The following AFF4 variants were observed in gnomAD, a reference collection of about 807,000 sequenced individuals.
AFF4 encodes AF4/FMR2 family member 4.
A neutral mutation model predicts 124.8 loss-of-function variants in AFF4; 13 were observed. That is an observed-to-expected ratio of 0.10 (90% confidence interval 0.07 to 0.17). The LOEUF (loss-of-function observed/expected upper bound fraction) is 0.17, where lower values mean the gene tolerates loss of function less well. Ranked by LOEUF, AFF4 falls within the 10% of genes least tolerant of loss-of-function variation. The pLI is 1.00. For missense variants in AFF4, 1,092 were observed against 1,403.8 expected, an observed-to-expected ratio of 0.78 and a Z score of 3.55; for synonymous variants, 477 against 496.1, an observed-to-expected ratio of 0.96 and a Z score of 0.51.
At position 132,879,440 on chromosome 5, in the gene AFF4, A is replaced by G. The variant is rs1759918266; in HGVS notation, c.*1619T>C. The G allele has an allele frequency of 4.9e-6, 1 of 204,192 alleles. No homozygotes were observed. The allele number at this position is 204,192 out of a possible 1,614,324, so 12.6% of individuals were successfully genotyped here. ...CTATTTTTCAAAGCAGCATTACCCAACTGGTTAGACTAAGTCATGTACCAA... is the reference window on the plus strand; with the variant it reads ...CTATTTTTCAAAGCAGCATTACCCAGCTGGTTAGACTAAGTCATGTACCAA... On this transcript the variant is annotated 3_prime_UTR_variant, in exon 21 of 21. Transcript: ENST00000265343.
Position 132,889,090 on chromosome 5 carries a change from G to C in AFF4, c.2721C>G (p.Val907=). ...DSSKPRRTKL[V]FDDRNYSADH... Reference sequence around the variant, plus strand: ...TCATATTATCTCACCTGTCATCAAAGACAAGCTTTGTTCTCCGAGGCTTAG... The same window carrying C: ...TCATATTATCTCACCTGTCATCAAACACAAGCTTTGTTCTCCGAGGCTTAG... Residue 907 remains valine (V), a synonymous_variant, in exon 14 of 21, where the codon GTC becomes GTG. Coordinates refer to ENST00000265343, the MANE Select transcript of AFF4 (RefSeq NM_014423.4). 6.2e-7 allele frequency: 1 copy of C among 1,612,370 alleles called. No individual in the cohort carries two copies. The highest frequency in any genetic ancestry group is 1.3e-5 in the African/African-American group (1 of 74,998).
At chr5:132,900,394 TA>T (rs1760520320) in intron 7 of AFF4, among the ~76,000 whole-genome samples, 1 of 152,032 alleles carries the variant, frequency 6.6e-6, no homozygotes, top group South Asian at 2.1e-4. Context: ...CTGTCTCTAC[TA>T]AAAATACAAA....
intron 5 of AFF4, among the ~76,000 whole-genome samples, chr5:132,918,764 T>C (rs1348181618): frequency 6.6e-6 from 1 of 152,176 alleles, no homozygotes; most frequent in African/African-American, 2.4e-5. Flanking sequence ...TAAGGACTCA[T>C]GGGTCAGAAG....
At position 132,950,527 on chromosome 5, in the gene AFF4, T is replaced by TA. The variant is rs200074638; in HGVS notation, c.-5+12731dup. On this transcript the variant is annotated intron_variant, in intron 1 of 20. Coordinates refer to ENST00000265343, the MANE Select transcript of AFF4 (RefSeq NM_014423.4). ...AGCTAGGCATGGTGGTGGGCGCCTGTAATCCTAGCTACTCGGGAGGCTGAG... is the reference window on the plus strand; with the variant it reads ...AGCTAGGCATGGTGGTGGGCGCCTGTAAATCCTAGCTACTCGGGAGGCTGAG... Among the ~76,000 whole-genome samples, 1,405 of 152,112 alleles carry TA rather than the reference T, an allele frequency of 9.2e-3. 18 individuals are homozygous for TA. The highest frequency in any genetic ancestry group is 0.029 in the African/African-American group (1,200 of 41,468).
At chr5:132,955,188 C>T (rs1389291678) in intron 1 of AFF4, among the ~76,000 whole-genome samples, 1 of 152,188 alleles carries the variant, frequency 6.6e-6, no homozygotes, top group Non-Finnish European at 1.5e-5. Flanking sequence ...CTCTCCTCTG[C>T]CATACCACTC....
intron 1 of AFF4, among the ~76,000 whole-genome samples, chr5:132,944,671 C>A (rs1761653613): frequency 6.6e-6 from 1 of 151,690 alleles, no homozygotes; most frequent in African/African-American, 2.4e-5. Context: ...TGGCTCACGC[C>A]CGTAATCCCA....
intron 1 of AFF4, among the ~76,000 whole-genome samples, chr5:132,961,407 G>T (rs1300871857): frequency 6.6e-6 from 1 of 152,030 alleles, no homozygotes; most frequent in East Asian, 1.9e-4. Context: ...AGTAGAGACG[G>T]GGTTTCATTA....
chr5:132,955,717 G>A (rs1237793203), intron 1 of AFF4, among the ~76,000 whole-genome samples: 1 of 144,416 alleles, frequency 6.9e-6, no homozygotes, highest in Non-Finnish European at 1.5e-5. Flanking sequence ...GGCAGAGGTT[G>A]CAGTGAGCCA....
rs768702794 is a variant in AFF4, at chr5:132,879,692, T to A, written c.*1367A>T. The A allele has an allele frequency of 9.5e-5, 20 of 211,150 alleles. No homozygotes were observed. The highest frequency in any genetic ancestry group is 1.7e-4 in the Non-Finnish European group (18 of 103,904). 13.1% of individuals were successfully genotyped at this position (211,150 alleles called of 1,614,324 possible). ...AAATAAAGTATAGAGGGTACATTTC[T>A]TATCTTAGACTTCTATATGCACCTT... On this transcript the variant is annotated 3_prime_UTR_variant, in exon 21 of 21. Coordinates refer to ENST00000265343, the MANE Select transcript of AFF4 (RefSeq NM_014423.4).
In AFF4 at chr5:132,902,829, C is replaced by T. The variant is rs138820581; in HGVS notation, c.1088-342G>A. Among the ~76,000 whole-genome samples, 696 of 152,258 alleles carry T rather than the reference C, an allele frequency of 4.6e-3. 6 individuals carry two copies. The highest frequency in any genetic ancestry group is 0.016 in the African/African-American group (666 of 41,522). On this transcript the variant is annotated intron_variant, in intron 6 of 20. Transcript: ENST00000265343. ...TAATCTTGAGGAATACACGAACACA[C>T]AAGCACACACTTGGGAATGTTTATT...
intron 18 of AFF4, 60 bp from the exon 19 acceptor site, chr5:132,885,179 C>A: frequency 7.6e-7 from 1 of 1,317,122 alleles, no homozygotes; most frequent in Non-Finnish European, 1.1e-6. Context: ...TTAAGAAGTT[C>A]TAAATATATT....
At chr5:132,952,748 A>T (rs2150111537) in intron 1 of AFF4, among the ~76,000 whole-genome samples, 1 of 152,266 alleles carries the variant, frequency 6.6e-6, no homozygotes, top group Non-Finnish European at 1.5e-5. Context: ...AACAAAAAAA[A>T]TTAACTGGGC....
chr5:132,886,632 C>T (rs1402238425), intron 17 of AFF4, among the ~76,000 whole-genome samples: 2 of 152,210 alleles, frequency 1.3e-5, no homozygotes, highest in African/African-American at 2.4e-5. Flanking sequence ...GCTGACATTC[C>T]AAAATCCAAA....
chr5:132,919,375 C>T (rs1363463063), intron 5 of AFF4, among the ~76,000 whole-genome samples: 1 of 152,146 alleles, frequency 6.6e-6, no homozygotes, highest in Non-Finnish European at 1.5e-5. Flanking sequence ...AAATGCATCA[C>T]ACATACAGAG....
chr5:132,950,756 G>C (rs749164175), intron 1 of AFF4, among the ~76,000 whole-genome samples: 18 of 152,138 alleles, frequency 1.2e-4, no homozygotes, highest in Non-Finnish European at 1.5e-4. Flanking sequence ...TTCCCTCCCA[G>C]TGACAAAGGA....
intron 18 of AFF4, among the ~76,000 whole-genome samples, chr5:132,886,072 G>A (rs1000139590): frequency 2.0e-5 from 3 of 152,066 alleles, no homozygotes; most frequent in South Asian, 2.1e-4. Flanking sequence ...GAACCCGGCC[G>A]AAAACAAAAG....
In AFF4 at chr5:132,892,222, G is replaced by C. The variant is rs1488744821; in HGVS notation, c.2579C>G (p.Ser860Cys). 1 of 1,614,066 alleles carries C rather than the reference G, an allele frequency of 6.2e-7. No homozygotes were observed. The highest frequency in any genetic ancestry group is 1.7e-5 in the Admixed American group (1 of 60,006). Residue 860 changes from serine to cysteine, a missense_variant, in exon 13 of 21, where the codon TCC becomes TGC. Transcript: ENST00000265343. ...ETSGSSKNSS[S>C]TSKQKKTEGK... Reference sequence around the variant, plus strand: ...TTCGGTCTTCTTCTGCTTTGATGTGGAGGAACTGTTTTTGCTGCTGCCACT... The same window carrying C: ...TTCGGTCTTCTTCTGCTTTGATGTGCAGGAACTGTTTTTGCTGCTGCCACT...
chr5:132,915,273 G>A (rs1200060018), intron 5 of AFF4, among the ~76,000 whole-genome samples: 2 of 150,832 alleles, frequency 1.3e-5, no homozygotes, highest in South Asian at 2.1e-4. Flanking sequence ...CCCGGGAGGC[G>A]GAGCTTGCAG....
intron 13 of AFF4, among the ~76,000 whole-genome samples, chr5:132,891,158 G>A (rs1760246098): frequency 6.6e-6 from 1 of 152,014 alleles, no homozygotes. Context: ...GAGCAATAAA[G>A]CAGGCCAATA....
Sources: gnomAD v4.1 joint callset for allele counts (sites outside exome capture counted in the v4.1 genomes callset) on GRCh38, gnomAD v4.1.1 for gene constraint, MANE v1.5 for transcripts, NCBI Gene and HGNC (gene_info 2026-07-23, HGNC 2026-07-21) for gene names.